The following ST3GAL4 variants were observed in gnomAD, a reference collection of about 807,000 sequenced individuals.
The protein encoded by ST3GAL4 is CMP-N-acetylneuraminate-beta-galactosamide-alpha-2,3-sialyltransferase 4.
A neutral mutation model predicts 42.6 loss-of-function variants in ST3GAL4; 24 were observed. That is an observed-to-expected ratio of 0.56 (90% CI 0.41 to 0.79). ST3GAL4 has a LOEUF of 0.79. ST3GAL4 is among the 30% of genes least tolerant of loss of function. The pLI is 0.00. For missense variants in ST3GAL4, 311 were observed against 430.8 expected (o/e 0.72, Z 2.46); for synonymous variants, 135 against 163.2 (o/e 0.83, Z 1.32).
intron 1 of ST3GAL4, among the ~76,000 whole-genome samples, chr11:126,394,454 A>G (rs989528520): frequency 6.6e-6 from 1 of 152,094 alleles, no homozygotes; most frequent in Non-Finnish European, 1.5e-5. Flanking sequence ...TTTGTTTGAG[A>G]CAGGATCTGA....
Position 126,400,289 on chromosome 11 carries a change from C to G in ST3GAL4, c.-60-5807C>G, listed in dbSNP as rs950223194. Among the ~76,000 whole-genome samples the G allele has an allele frequency of 6.6e-6, 1 of 152,218 alleles. No homozygotes were observed. Among genetic ancestry groups the G allele is most frequent in the African/African-American group, 2.4e-5 (1 of 41,450 alleles). The stretch of plus-strand genomic sequence containing the variant: ...ATGGCAAGACAGATCAAGAGGGGAC[C>G]TAACTGGCCTTTTATAAGGAACCCA... On this transcript the variant is annotated intron_variant, in intron 1 of 10. Coordinates refer to ENST00000444328, the MANE Select transcript of ST3GAL4 (RefSeq NM_001254757.2). This position sits in a 1 kb window ranked among gnomAD's most constrained non-coding sequence, Gnocchi z 4.6.
In ST3GAL4 at chr11:126,413,392, C is replaced by T. The variant is rs113594336; in HGVS notation, c.772-113C>T. On this transcript the variant is annotated intron_variant, in intron 9 of 10. Coordinates refer to ENST00000444328, the MANE Select transcript of ST3GAL4 (RefSeq NM_001254757.2). ...GCTCGTGGCTTGTCTTGTTGGACAG[C>T]GCAGATGGAGAACGTTTCCGTGACT... 71 of 1,383,364 alleles carry T rather than the reference C, an allele frequency of 5.1e-5. 3 individuals carry two copies. Among genetic ancestry groups the T allele is most frequent in the African/African-American group, 4.6e-4 (32 of 69,694 alleles). The allele number at this position is 1,383,364 out of a possible 1,614,324, so 85.7% of individuals were successfully genotyped here. A position where few individuals can be genotyped will look rare whatever the true frequency, so the allele number is the denominator to read the frequency against.
intron 1 of ST3GAL4, among the ~76,000 whole-genome samples, chr11:126,377,127 A>C (rs1323605591): frequency 1.3e-5 from 2 of 152,204 alleles, no homozygotes; most frequent in Non-Finnish European, 2.9e-5. Flanking sequence ...GTGTTCTTTA[A>C]GGTATTTTAA....
Position 126,407,449 on chromosome 11 carries a change from G to C in ST3GAL4, c.280+100G>C, listed in dbSNP as rs1267128015. 7.4e-5 allele frequency: 116 copies of C among 1,562,350 alleles called. 2 individuals carry two copies. The highest frequency in any genetic ancestry group is 6.7e-5 in the South Asian group (6 of 90,040). ...GCCCCAGTGCCCAAGTTCTGAGCCT[G>C]ACTCGGGTACCAGGGTCAGGGGAAG... is the stretch of plus-strand genomic sequence containing the variant. On this transcript the variant is annotated intron_variant, in intron 5 of 10. Transcript: ENST00000444328.
rs1381722049 is a variant in ST3GAL4 at position 126,386,479 on chromosome 11, G to T, written c.-60-19617G>T. Among the ~76,000 whole-genome samples, 2 of 152,114 alleles carry T rather than the reference G, an allele frequency of 1.3e-5. No homozygotes were observed. Among genetic ancestry groups the T allele is most frequent in the African/African-American group, 4.8e-5 (2 of 41,434 alleles). On this transcript the variant is annotated intron_variant, in intron 1 of 10. Transcript: ENST00000444328. This position sits in a 1 kb window ranked among gnomAD's most constrained non-coding sequence, Gnocchi z 4.7. ...GTGCTGGGACAGGGGTATTATTCCA[G>T]TAGCCCTTCTGTGGAACAAGTAGGG...
Position 126,406,776 on chromosome 11 carries a change from G to C in ST3GAL4, c.102-167G>C. The C allele has an allele frequency of 1.1e-6, 1 of 919,090 alleles. No individual in the cohort carries two copies. Among genetic ancestry groups the C allele is most frequent in the South Asian group, 1.6e-5 (1 of 60,652 alleles). The allele number at this position is 919,090 out of a possible 1,614,324, so 56.9% of individuals were successfully genotyped here. ...CCTCACCCAGGGAGTGCAGGGGCAGGAAGACCTGGATCCTCAAGGACTTGG... is the reference window on the plus strand; with the variant it reads ...CCTCACCCAGGGAGTGCAGGGGCAGCAAGACCTGGATCCTCAAGGACTTGG... On this transcript the variant is annotated intron_variant, in intron 3 of 10. Coordinates refer to ENST00000444328, the MANE Select transcript of ST3GAL4 (RefSeq NM_001254757.2). The surrounding 1 kb of genome is among the most constrained non-coding windows in gnomAD (Gnocchi z 5.4).
At chr11:126,371,059 G>A (rs956317654) in intron 1 of ST3GAL4, among the ~76,000 whole-genome samples, 2 of 150,656 alleles carry the variant, frequency 1.3e-5, no homozygotes, top group Non-Finnish European at 2.9e-5. Context: ...TATCAAGTGT[G>A]AACCTTATCC....
At chr11:126,407,963 G>T in intron 6 of ST3GAL4, 136 bp from the exon 7 acceptor site, 1 of 990,214 alleles carries the variant, frequency 1.0e-6, no homozygotes, top group Non-Finnish European at 1.5e-6. Context: ...CAGGACCACG[G>T]GGTGATGCCT....
At chr11:126,371,281 C>T (rs1482268289) in intron 1 of ST3GAL4, among the ~76,000 whole-genome samples, 1 of 147,980 alleles carries the variant, frequency 6.8e-6, no homozygotes, top group African/African-American at 2.5e-5. Context: ...TTTCCTGCCT[C>T]AGCCTCCTGA....
chr11:126,370,677 CT>C (rs763709200), intron 1 of ST3GAL4, among the ~76,000 whole-genome samples: 233 of 143,848 alleles, frequency 1.6e-3, no homozygotes, highest in Non-Finnish European at 1.8e-3. Context: ...ATCTCCATTC[CT>C]TTTTTTTTTT....
chr11:126,360,445 CAG>C (rs1449193743), intron 1 of ST3GAL4, among the ~76,000 whole-genome samples: 2 of 152,146 alleles, frequency 1.3e-5, no homozygotes, highest in African/African-American at 4.8e-5. Context: ...GTTTTTGAGA[CAG>C]AGTTTTGCTC....
chr11:126,374,795 A>C (rs547503347), intron 1 of ST3GAL4, among the ~76,000 whole-genome samples: 166 of 152,196 alleles, frequency 1.1e-3, no homozygotes, highest in Middle Eastern at 6.8e-3. Context: ...TGTTCTTGGC[A>C]CTTGCAATTA....
At chr11:126,385,162 C>CT (rs111523385) in intron 1 of ST3GAL4, among the ~76,000 whole-genome samples, 12,690 of 145,902 alleles carry the variant, frequency 0.087, 613 homozygotes, top group Middle Eastern at 0.16. Flanking sequence ...CAGTTTCTTT[C>CT]TTTTTTTTTT....
chr11:126,380,378 A>G (rs1232423641), intron 1 of ST3GAL4, among the ~76,000 whole-genome samples: 1 of 152,156 alleles, frequency 6.6e-6, no homozygotes, highest in African/African-American at 2.4e-5. Flanking sequence ...ATCATACATC[A>G]AGACCTTGCA....
In ST3GAL4 at chr11:126,408,171, C is replaced by T; in HGVS notation, c.414C>T (p.Ile138=). ...RLRNSSLGDA[I]NKYDVVIRLN... ...GGAACAGCTCACTGGGAGATGCCAT[C>T]AACAAGTACGATGTGGTCATCAGGT... Residue 138 remains isoleucine (I), a synonymous_variant, in exon 7 of 11, where the codon ATC becomes ATT. Transcript: ENST00000444328. The T allele has an allele frequency of 6.2e-7, 1 of 1,614,160 alleles. No homozygotes were observed. The highest frequency in any genetic ancestry group is 8.5e-7 in the Non-Finnish European group (1 of 1,180,032).
At chr11:126,401,565 AAAAG>A (rs1442705105) in intron 1 of ST3GAL4, among the ~76,000 whole-genome samples, 4 of 151,250 alleles carry the variant, frequency 2.6e-5, no homozygotes, top group African/African-American at 7.3e-5. Flanking sequence ...CAGAAAAAAA[AAAAG>A]AAGAAGAAGA....
In ST3GAL4 at chr11:126,362,968, G is replaced by A. The variant is rs560085796; in HGVS notation, c.-61+7126G>A. On this transcript the variant is annotated intron_variant, in intron 1 of 10. Coordinates refer to ENST00000444328, the MANE Select transcript of ST3GAL4 (RefSeq NM_001254757.2). ...CCGGTAATTGGGCTGAGCCTCAGGA[G>A]TAACCCTTCTCTCTCTGCCTCTCCA... Among the ~76,000 whole-genome samples the A allele has an allele frequency of 3.9e-5, 6 of 152,306 alleles. No individual in the cohort carries two copies. The East Asian group carries it at 1.2e-3, about 29-fold the overall frequency.
rs1952447941 is a variant in ST3GAL4 at position 126,366,839 on chromosome 11, C to T, written c.-61+10997C>T. 6.6e-6 allele frequency among the ~76,000 whole-genome samples: 1 copy of T among 152,164 alleles called. No individual in the cohort carries two copies. The highest frequency in any genetic ancestry group is 1.5e-5 in the Non-Finnish European group (1 of 68,032). ...GAGGAGGCAGGGTGAGCGCAGAAAC[C>T]ACTGCTCCAAAACTCTTAAAAGCAG... On this transcript the variant is annotated intron_variant, in intron 1 of 10. Coordinates refer to ENST00000444328, the MANE Select transcript of ST3GAL4 (RefSeq NM_001254757.2). The surrounding 1 kb of genome is among the most constrained non-coding windows in gnomAD (Gnocchi z 4.2).
rs1019762548 is a variant in ST3GAL4, at chr11:126,398,534, A to G, written c.-60-7562A>G. Reference sequence around the variant, plus strand: ...TGCTGTTGCACACTGGTAGCTCTGCAGTTCTGGGGTGTCAGGATGGCCTTA... The same window carrying G: ...TGCTGTTGCACACTGGTAGCTCTGCGGTTCTGGGGTGTCAGGATGGCCTTA... On this transcript the variant is annotated intron_variant, in intron 1 of 10. Coordinates refer to ENST00000444328, the MANE Select transcript of ST3GAL4 (RefSeq NM_001254757.2). This position sits in a 1 kb window ranked among gnomAD's most constrained non-coding sequence, Gnocchi z 4.7. Among the ~76,000 whole-genome samples the G allele has an allele frequency of 6.6e-6, 1 of 152,172 alleles. No individual in the cohort carries two copies. Among genetic ancestry groups the G allele is most frequent in the Non-Finnish European group, 1.5e-5 (1 of 68,038 alleles).
Sources: allele counts gnomAD v4.1 joint callset (sites outside exome capture counted in the v4.1 genomes callset), GRCh38; gene constraint gnomAD v4.1.1; non-coding constraint Gnocchi (gnomAD v3.1); transcripts MANE v1.5; gene names NCBI Gene and HGNC (gene_info 2026-07-23, HGNC 2026-07-21).